CSMD3: variants seen among roughly 807,000 people sequenced by gnomAD.
CSMD3 encodes CUB and Sushi multiple domains 3, also known as CUB and sushi domain-containing protein 3.
In CSMD3, 177 loss-of-function variants were observed where a neutral mutation model predicts 435.2. That is an observed-to-expected ratio of 0.41 (90% CI 0.36 to 0.46). CSMD3 has a LOEUF of 0.46. Among genes scored for constraint, CSMD3 ranks in the 20% least tolerant of loss-of-function variants. The pLI is 0.34. For synonymous variants in CSMD3, 1,656 were observed against 1,520.5 expected (o/e 1.09, Z -2.07); for missense variants, 4,265 against 4,504.6 (o/e 0.95, Z 1.52).
intron 54 of CSMD3, among the ~76,000 whole-genome samples, chr8:112,292,968 A>C (rs1018805606): frequency 6.6e-5 from 10 of 152,114 alleles, no homozygotes; most frequent in African/African-American, 9.7e-5. Context: ...TGGTACATAG[A>C]TATTTAAAGT....
chr8:113,055,960 G>A (rs66962516), intron 5 of CSMD3, among the ~76,000 whole-genome samples: 13,155 of 152,214 alleles, frequency 0.086, 630 homozygotes, highest in Non-Finnish European at 0.095. Context: ...GTTGGGTGAA[G>A]AGGATAAGAT....
intron 70 of CSMD3, among the ~76,000 whole-genome samples, chr8:112,228,471 T>G (rs987134292): frequency 5.3e-5 from 8 of 152,172 alleles, no homozygotes; most frequent in Non-Finnish European, 1.0e-4. Flanking sequence ...ATAGATAATG[T>G]AGAAATAACT....
chr8:113,213,679 C>T (rs2092866917), intron 3 of CSMD3, among the ~76,000 whole-genome samples: 1 of 151,964 alleles, frequency 6.6e-6, no homozygotes, highest in East Asian at 1.9e-4. Context: ...GAAGCCCATA[C>T]AGCAACTTTA....
intron 6 of CSMD3, among the ~76,000 whole-genome samples, chr8:113,015,459 A>G (rs1282425692): frequency 6.6e-6 from 1 of 152,026 alleles, no homozygotes; most frequent in East Asian, 1.9e-4. Context: ...TATAAAAATC[A>G]AATTGTGATT....
At chr8:112,975,692 C>A in intron 7 of CSMD3, 145 bp downstream of exon 7, 1 of 1,201,706 alleles carries the variant, frequency 8.3e-7, no homozygotes, top group Non-Finnish European at 1.2e-6. Context: ...TTGGTTGTTA[C>A]TATCCATATT....
intron 5 of CSMD3, among the ~76,000 whole-genome samples, chr8:113,048,538 G>A (rs950102428): frequency 6.6e-6 from 1 of 152,028 alleles, no homozygotes; most frequent in Non-Finnish European, 1.5e-5. Flanking sequence ...ATGACATGAA[G>A]CAACATTTTT....
At chr8:113,308,135 G>T (rs1314520518) in intron 2 of CSMD3, among the ~76,000 whole-genome samples, 1 of 150,506 alleles carries the variant, frequency 6.6e-6, no homozygotes, top group African/African-American at 2.4e-5. Flanking sequence ...ACAAAATTTT[G>T]CTATTATTTG....
intron 5 of CSMD3, among the ~76,000 whole-genome samples, chr8:113,068,304 G>A (rs982623166): frequency 6.6e-6 from 1 of 151,934 alleles, no homozygotes; most frequent in Non-Finnish European, 1.5e-5. Flanking sequence ...AAACGTACTG[G>A]GACCATAATG....
chr8:112,534,928 A>C (rs562853397), intron 27 of CSMD3, among the ~76,000 whole-genome samples: 13 of 152,352 alleles, frequency 8.5e-5, no homozygotes, highest in South Asian at 4.1e-4. Context: ...AAAGAAAAAA[A>C]CCACATGATT....
At chr8:112,719,842 T>C (rs929480148) in intron 13 of CSMD3, among the ~76,000 whole-genome samples, 6 of 152,186 alleles carry the variant, frequency 3.9e-5, no homozygotes, top group African/African-American at 1.4e-4. Context: ...ATTTGAAATA[T>C]CTTTCAGCAC....
Position 113,177,282 on chromosome 8 carries a change from A to G in CSMD3, c.515-3366T>C, listed in dbSNP as rs551481531. ...TAAGTGATGATGTTGCTTAAAATATATAAATTAAGGAAAACAGATTTATAA... is the reference window on the plus strand; with the variant it reads ...TAAGTGATGATGTTGCTTAAAATATGTAAATTAAGGAAAACAGATTTATAA... On this transcript the variant is annotated intron_variant, in intron 3 of 70. Coordinates refer to ENST00000297405, the MANE Select transcript of CSMD3 (RefSeq NM_198123.2). Among the ~76,000 whole-genome samples the G allele has an allele frequency of 1.1e-4, 16 of 151,944 alleles. No homozygotes were observed. The South Asian group carries it at 2.3e-3, about 22-fold the overall frequency.
At chr8:113,322,721 A>C (rs1172785344) in intron 1 of CSMD3, among the ~76,000 whole-genome samples, 3 of 152,140 alleles carry the variant, frequency 2.0e-5, no homozygotes, top group Non-Finnish European at 4.4e-5. Flanking sequence ...TTATGAAAAT[A>C]TTATTATGAA....
At position 112,962,577 on chromosome 8, in the gene CSMD3, TAATA is replaced by T. The variant is rs2084271345; in HGVS notation, c.1343-7820_1343-7817del. Among the ~76,000 whole-genome samples the T allele has an allele frequency of 2.0e-5, 3 of 151,898 alleles. No individual in the cohort carries two copies. In the South Asian group the frequency reaches 6.2e-4, roughly 31 times the overall value. The stretch of plus-strand genomic sequence containing the variant: ...AGAAACAGAAGAAAATTAATTGCTT[TAATA>T]AATAACAACAGTCCATCATCCCTGT... On this transcript the variant is annotated intron_variant, in intron 7 of 70. Coordinates refer to ENST00000297405, the MANE Select transcript of CSMD3 (RefSeq NM_198123.2).
intron 11 of CSMD3, among the ~76,000 whole-genome samples, chr8:112,858,827 G>C (rs141625527): frequency 4.0e-4 from 61 of 151,822 alleles, no homozygotes; most frequent in Non-Finnish European, 7.8e-4. Flanking sequence ...AAACAGAAAA[G>C]ACACAAAAAC....
chr8:113,210,046 G>GTGT (rs2092815906), intron 3 of CSMD3, among the ~76,000 whole-genome samples: 1 of 140,712 alleles, frequency 7.1e-6, no homozygotes, highest in Non-Finnish European at 1.5e-5. Flanking sequence ...GTGTGTGTGT[G>GTGT]ATACACAGTG....
chr8:112,237,438 T>A, intron 66 of CSMD3, 90 bp from the exon 67 acceptor site: 1 of 931,992 alleles, frequency 1.1e-6, no homozygotes. Context: ...TGAATAATGA[T>A]GTATTGCTAA....
Position 112,304,825 on chromosome 8 carries a change from A to C in CSMD3, c.8162T>G (p.Val2721Gly), listed in dbSNP as rs1184431863. The part of the protein sequence containing the change: ...NGSHYEYKTK[V>G]VFSCDPGYHG... The stretch of plus-strand genomic sequence containing the variant: ...ATAACCAGGGTCACAGCTGAAAACT[A>C]CTTTGGTTTTGTATTCATAATGGGA... The change falls in exon 52 of 71, where the codon GTA becomes GGA. Residue 2721 changes from valine (V) to glycine (G), a missense_variant. Physicochemically the swap from Val to Gly is moderately radical, Grantham distance 109 (BLOSUM62 -3). Around this residue, in one of 3 missense-constraint regions of CSMD3, gnomAD observed 3,255 missense variants for 3,380.2 expected, o/e 0.96. Coordinates refer to ENST00000297405, the MANE Select transcript of CSMD3 (RefSeq NM_198123.2). The C allele has an allele frequency of 1.9e-6, 3 of 1,613,750 alleles. No homozygotes were observed. The highest frequency in any genetic ancestry group is 2.5e-6 in the Non-Finnish European group (3 of 1,179,844).
chr8:112,247,683 G>C (rs1814873913), intron 63 of CSMD3, among the ~76,000 whole-genome samples: 1 of 152,034 alleles, frequency 6.6e-6, no homozygotes, highest in Admixed American at 6.6e-5. Flanking sequence ...AGAATATCTA[G>C]GACAATGGCT....
intron 42 of CSMD3, among the ~76,000 whole-genome samples, chr8:112,338,073 A>G (rs1172024627): frequency 6.6e-6 from 1 of 152,164 alleles, no homozygotes; most frequent in Non-Finnish European, 1.5e-5. Context: ...AGAGAATGCA[A>G]TTGCTTCTTG....
Sources: allele counts gnomAD v4.1 joint callset (sites outside exome capture counted in the v4.1 genomes callset), GRCh38; gene constraint gnomAD v4.1.1; regional missense constraint gnomAD v4.1.1; transcripts MANE v1.5; gene names NCBI Gene and HGNC (gene_info 2026-07-23, HGNC 2026-07-21).